Variants in CYSTM1 observed in about 807,000 individuals in gnomAD.
The protein encoded by CYSTM1 is cysteine rich transmembrane module containing 1, also known as cysteine-rich transmembrane module-containing protein 1.
In CYSTM1, 4 loss-of-function variants were observed where a neutral mutation model predicts 13.1. The observed-to-expected ratio is 0.31, with a 90% confidence interval of 0.15 to 0.70. The LOEUF (loss-of-function observed/expected upper bound fraction) is 0.70, where lower values mean the gene tolerates loss of function less well. CYSTM1 is among the 30% of genes least tolerant of loss of function. The probability of loss-of-function intolerance (pLI) is 0.72; values close to 1 mark genes in which losing one functional copy is unlikely to be tolerated. For missense variants in CYSTM1, 96 were observed against 121.6 expected (o/e 0.79, Z 0.99); for synonymous variants, 36 against 42.7 (o/e 0.84, Z 0.62).
intron 2 of CYSTM1, among the ~76,000 whole-genome samples, chr5:140,198,486 T>C (rs1215477863): frequency 1.3e-5 from 2 of 152,210 alleles, no homozygotes; most frequent in Non-Finnish European, 2.9e-5. Flanking sequence ...ACATAGTCTG[T>C]CATCATTAGG....
intron 2 of CYSTM1, among the ~76,000 whole-genome samples, chr5:140,236,058 C>T (rs1487164330): frequency 1.3e-5 from 2 of 152,316 alleles, no homozygotes; most frequent in African/African-American, 4.8e-5. Context: ...TTGCTAAAGT[C>T]TTGTGTAACA....
intron 2 of CYSTM1, among the ~76,000 whole-genome samples, chr5:140,226,586 T>TTTTA (rs754744617): frequency 2.7e-4 from 20 of 75,312 alleles, no homozygotes; most frequent in Admixed American, 5.9e-4. Context: ...ATACTAAATA[T>TTTTA]TATATATATA....
At chr5:140,203,676 A>C (rs1363070857) in intron 2 of CYSTM1, among the ~76,000 whole-genome samples, 2 of 152,258 alleles carry the variant, frequency 1.3e-5, no homozygotes, top group African/African-American at 4.8e-5. Flanking sequence ...ATCAGAATAT[A>C]GGTGATCTGT....
intron 1 of CYSTM1, among the ~76,000 whole-genome samples, chr5:140,177,587 C>G (rs912876827): frequency 6.6e-6 from 1 of 152,076 alleles, no homozygotes; most frequent in African/African-American, 2.4e-5. Flanking sequence ...GTGCAGCACT[C>G]AAAGGAGTGC....
chr5:140,201,068 G>A (rs1764220108), intron 2 of CYSTM1: 1 of 152,068 alleles, frequency 6.6e-6, no homozygotes, highest in African/African-American at 2.4e-5. Context: ...CCACGTTTTA[G>A]TTATCCTTTC....
chr5:140,213,187 T>C (rs1390266983), intron 2 of CYSTM1, among the ~76,000 whole-genome samples: 1 of 151,390 alleles, frequency 6.6e-6, no homozygotes, highest in African/African-American at 2.4e-5. Context: ...TGGAAGACAG[T>C]AATGTTAATG....
At chr5:140,242,689 G>A (rs1303109573) in intron 2 of CYSTM1, among the ~76,000 whole-genome samples, 1 of 152,142 alleles carries the variant, frequency 6.6e-6, no homozygotes, top group East Asian at 1.9e-4. Context: ...AGCTCCATTT[G>A]GAGGAAAAGT....
intron 2 of CYSTM1, chr5:140,202,117 G>C (rs1764241447): frequency 6.6e-6 from 1 of 151,904 alleles, no homozygotes. Context: ...TGTATTTTTA[G>C]TAGAAATGGG....
intron 2 of CYSTM1, among the ~76,000 whole-genome samples, chr5:140,197,039 A>T (rs933156863): frequency 6.6e-5 from 10 of 152,348 alleles, no homozygotes; most frequent in African/African-American, 2.2e-4. Context: ...CATTTGAGTT[A>T]TCCGGTAGAC....
In CYSTM1 at chr5:140,219,008, G is replaced by T. The variant is rs1764461093; in HGVS notation, c.188-24297G>T. ...GCAAGAGGCTGGTCATGATTGTGGA[G>T]ACTTTTTAAATCTGGCTTCAGTGAC... On this transcript the variant is annotated intron_variant, in intron 2 of 2. Coordinates refer to ENST00000261811, the MANE Select transcript of CYSTM1 (RefSeq NM_032412.4). This position sits in a 1 kb window ranked among gnomAD's most constrained non-coding sequence, Gnocchi z 4.1. 6.6e-6 allele frequency among the ~76,000 whole-genome samples: 1 copy of T among 152,154 alleles called. No homozygotes were observed. Among genetic ancestry groups the T allele is most frequent in the Non-Finnish European group, 1.5e-5 (1 of 68,034 alleles).
chr5:140,189,973 T>G (rs1265054597), intron 1 of CYSTM1, among the ~76,000 whole-genome samples: 1 of 152,140 alleles, frequency 6.6e-6, no homozygotes. Flanking sequence ...AGATCAAGGG[T>G]CATTTCTCCC....
chr5:140,199,090 A>G (rs1764187766), intron 2 of CYSTM1, among the ~76,000 whole-genome samples: 1 of 151,992 alleles, frequency 6.6e-6, no homozygotes, highest in Non-Finnish European at 1.5e-5. Flanking sequence ...GTTTGTTGAG[A>G]ATGATGGTTT....
chr5:140,186,592 A>G (rs1399330885), intron 1 of CYSTM1, among the ~76,000 whole-genome samples: 6 of 151,974 alleles, frequency 3.9e-5, no homozygotes, highest in East Asian at 1.9e-4. Flanking sequence ...TGCTTCCTCT[A>G]TCTTCGCTTG....
intron 1 of CYSTM1, among the ~76,000 whole-genome samples, chr5:140,177,497 GA>G (rs1763904546): frequency 6.6e-6 from 1 of 152,160 alleles, no homozygotes; most frequent in Non-Finnish European, 1.5e-5. Context: ...GACCTCCAGG[GA>G]TCCTGTACAG....
chr5:140,209,194 T>C (rs927055528), intron 2 of CYSTM1, among the ~76,000 whole-genome samples: 1 of 151,856 alleles, frequency 6.6e-6, no homozygotes, highest in Admixed American at 6.6e-5. Flanking sequence ...AGAAGGGGAC[T>C]GGAATAAGCT....
intron 2 of CYSTM1, chr5:140,200,133 C>T (rs955325815): frequency 4.6e-5 from 7 of 152,156 alleles, no homozygotes; most frequent in African/African-American, 1.7e-4. Context: ...AATTAGATCC[C>T]ATTTGTCAGT....
At chr5:140,192,109 A>C (rs1764102135) in intron 1 of CYSTM1, among the ~76,000 whole-genome samples, 1 of 152,192 alleles carries the variant, frequency 6.6e-6, no homozygotes, top group Admixed American at 6.5e-5. Context: ...ATGTGGTTGA[A>C]ATAGAGACCC....
At chr5:140,227,617 A>C (rs1188019631) in intron 2 of CYSTM1, among the ~76,000 whole-genome samples, 1 of 152,118 alleles carries the variant, frequency 6.6e-6, no homozygotes, top group Non-Finnish European at 1.5e-5. Context: ...GGTAACAGTG[A>C]CTTAGGGAGG....
chr5:140,185,464 T>C (rs1426893992), intron 1 of CYSTM1, among the ~76,000 whole-genome samples: 1 of 152,194 alleles, frequency 6.6e-6, no homozygotes, highest in Non-Finnish European at 1.5e-5. Context: ...GCTAATGATA[T>C]TTGGGAGGTT....
Sources: gnomAD v4.1 joint callset for allele counts (sites outside exome capture counted in the v4.1 genomes callset) on GRCh38, gnomAD v4.1.1 for gene constraint, Gnocchi (gnomAD v3.1) non-coding constraint, MANE v1.5 for transcripts, NCBI Gene and HGNC (gene_info 2026-07-23, HGNC 2026-07-21) for gene names.